Variants in BMPR2 observed in about 807,000 individuals in gnomAD.
BMPR2 encodes bone morphogenetic protein receptor type 2, also known as bone morphogenetic protein receptor type-2.
Under a neutral mutation model 100.8 loss-of-function variants are expected in BMPR2, and 29 were observed. That is an observed-to-expected ratio of 0.29 (90% confidence interval 0.21 to 0.39). BMPR2 has a LOEUF of 0.39. Among genes scored for constraint, BMPR2 ranks in the 10% least tolerant of loss-of-function variants. BMPR2 has a pLI of 1.00. For missense variants in BMPR2, 1,011 were observed against 1,274.5 expected, an observed-to-expected ratio of 0.79 and a Z score of 3.15; for synonymous variants, 382 against 442.3, an observed-to-expected ratio of 0.86 and a Z score of 1.71.
intron 7 of BMPR2, among the ~76,000 whole-genome samples, chr2:202,527,709 C>A (rs1484616980): frequency 2.0e-5 from 3 of 151,720 alleles, no homozygotes; most frequent in African/African-American, 7.3e-5. Context: ...ATGGCGTGAA[C>A]CCGGGAAGCG....
At chr2:202,525,041 A>G (rs996326304) in intron 7 of BMPR2, among the ~76,000 whole-genome samples, 5 of 152,172 alleles carry the variant, frequency 3.3e-5, no homozygotes, top group African/African-American at 1.2e-4. Flanking sequence ...CAGACTTTTT[A>G]AAGCCCATTT....
intron 1 of BMPR2, among the ~76,000 whole-genome samples, chr2:202,457,402 TATC>T (rs1052505646): frequency 4.0e-5 from 6 of 151,748 alleles, no homozygotes; most frequent in African/African-American, 1.5e-4. Flanking sequence ...TCATGACTAT[TATC>T]TATTTCTAGT....
At chr2:202,377,586 C>A (rs766699069) in intron 1 of BMPR2, 36 bp downstream of exon 1, 1 of 1,610,816 alleles carries the variant, frequency 6.2e-7, no homozygotes, top group African/African-American at 1.3e-5. Flanking sequence ...CGGCCACTGC[C>A]CCTGCGGGTG....
chr2:202,393,218 G>C (rs1292642953), intron 1 of BMPR2, among the ~76,000 whole-genome samples: 3 of 152,126 alleles, frequency 2.0e-5, no homozygotes, highest in Admixed American at 1.3e-4. Flanking sequence ...TATTTCACAG[G>C]ATGTGATACA....
chr2:202,405,968 C>T (rs991363832), intron 1 of BMPR2, among the ~76,000 whole-genome samples: 1 of 152,014 alleles, frequency 6.6e-6, no homozygotes, highest in African/African-American at 2.4e-5. Flanking sequence ...TTTGTAGTTG[C>T]ACTTGCATGT....
chr2:202,451,758 G>GTTT (rs1691990838), intron 1 of BMPR2, among the ~76,000 whole-genome samples: 1 of 151,966 alleles, frequency 6.6e-6, no homozygotes, highest in Non-Finnish European at 1.5e-5. Flanking sequence ...TGTTGTTGTT[G>GTTT]TTGTTTTTGA....
intron 12 of BMPR2, among the ~76,000 whole-genome samples, chr2:202,558,892 CAAAAAAAAAAA>C (rs538329842): frequency 2.5e-5 from 2 of 81,472 alleles, no homozygotes; most frequent in Admixed American, 2.7e-4. Flanking sequence ...AACTCCATCT[CAAAAAAAAAAA>C]AAAAAAAATC....
At chr2:202,452,372 G>A (rs1692008006) in intron 1 of BMPR2, among the ~76,000 whole-genome samples, 1 of 152,056 alleles carries the variant, frequency 6.6e-6, no homozygotes, top group Non-Finnish European at 1.5e-5. Flanking sequence ...ACATTTTGTT[G>A]ATCACCAATT....
At chr2:202,557,559 T>C (rs945549923) in intron 12 of BMPR2, among the ~76,000 whole-genome samples, 12 of 149,060 alleles carry the variant, frequency 8.1e-5, no homozygotes, top group African/African-American at 3.0e-4. Flanking sequence ...CCCAGCTACT[T>C]GGGAAGCTGA....
At chr2:202,518,503 TA>T (rs1687757882) in intron 5 of BMPR2, among the ~76,000 whole-genome samples, 1 of 152,200 alleles carries the variant, frequency 6.6e-6, no homozygotes, top group African/African-American at 2.4e-5. Context: ...GCCCTCAGGA[TA>T]AAAGTCATAA....
intron 1 of BMPR2, among the ~76,000 whole-genome samples, chr2:202,388,309 A>G (rs1690472160): frequency 6.9e-6 from 1 of 144,352 alleles, no homozygotes; most frequent in African/African-American, 2.6e-5. Context: ...AGGTAGGACA[A>G]TCGCTTGAAC....
chr2:202,439,839 T>C (rs1574449930), intron 1 of BMPR2, among the ~76,000 whole-genome samples: 1 of 149,318 alleles, frequency 6.7e-6, no homozygotes, highest in Non-Finnish European at 1.5e-5. Flanking sequence ...GGAGGGAAGG[T>C]CAGCAGATAA....
intron 3 of BMPR2, among the ~76,000 whole-genome samples, chr2:202,506,185 G>A (rs907458875): frequency 1.9e-4 from 28 of 151,304 alleles, no homozygotes; most frequent in African/African-American, 6.8e-4. Flanking sequence ...TTTTGAGACA[G>A]AGTCTCACTC....
At chr2:202,478,996 A>T (rs1165583903) in intron 3 of BMPR2, among the ~76,000 whole-genome samples, 1 of 152,200 alleles carries the variant, frequency 6.6e-6, no homozygotes, top group Non-Finnish European at 1.5e-5. Context: ...AGCTTCTGAC[A>T]TGGTTCCCAA....
chr2:202,376,929 G>T lies in BMPR2; in HGVS notation c.-546G>T. The T allele has an allele frequency of 2.3e-6, 1 of 443,872 alleles. No individual in the cohort carries two copies. The highest frequency in any genetic ancestry group is 3.9e-6 in the Non-Finnish European group (1 of 253,658). 27.5% of individuals were successfully genotyped at this position (443,872 alleles called of 1,614,324 possible). Reference sequence around the variant, plus strand: ...AGAGGATTTGTTGTTTTCGAAATCAGAGTGAAGGAAGCACCGAAGCGAAAC... The same window carrying T: ...AGAGGATTTGTTGTTTTCGAAATCATAGTGAAGGAAGCACCGAAGCGAAAC... On this transcript the variant is annotated 5_prime_UTR_variant, in exon 1 of 13. An upstream open reading frame in the 5' UTR gains an earlier in-frame stop. Transcript: ENST00000374580.
intron 9 of BMPR2, among the ~76,000 whole-genome samples, chr2:202,541,016 A>G (rs1688259696): frequency 1.3e-5 from 2 of 152,218 alleles, no homozygotes. Flanking sequence ...TTTTATTATC[A>G]TATTTTGTAA....
At chr2:202,403,815 G>T (rs1438985104) in intron 1 of BMPR2, among the ~76,000 whole-genome samples, 2 of 152,046 alleles carry the variant, frequency 1.3e-5, no homozygotes, top group East Asian at 3.9e-4. Context: ...AGACCAGCCT[G>T]ACCAACATAG....
At chr2:202,473,278 C>G (rs2105966830) in intron 3 of BMPR2, among the ~76,000 whole-genome samples, 1 of 151,928 alleles carries the variant, frequency 6.6e-6, no homozygotes, top group Non-Finnish European at 1.5e-5. Context: ...ACCAAAAATA[C>G]AAAAATTAGC....
At chr2:202,400,118 A>G (rs1443437252) in intron 1 of BMPR2, among the ~76,000 whole-genome samples, 2 of 152,080 alleles carry the variant, frequency 1.3e-5, no homozygotes, top group African/African-American at 4.8e-5. Flanking sequence ...TGTCTTAAAA[A>G]AAAAAGAATA....
Sources: gnomAD v4.1 joint callset for allele counts (sites outside exome capture counted in the v4.1 genomes callset) on GRCh38, gnomAD v4.1.1 for gene constraint, MANE v1.5 for transcripts, NCBI Gene and HGNC (gene_info 2026-07-23, HGNC 2026-07-21) for gene names.